STARD3NL: variants seen among roughly 807,000 people sequenced by gnomAD.
The protein encoded by STARD3NL is STARD3 N-terminal-like protein.
Under a neutral mutation model 30.9 loss-of-function variants are expected in STARD3NL, and 17 were observed. The observed-to-expected ratio is 0.55, with a 90% CI of 0.38 to 0.82. The LOEUF is 0.82. STARD3NL is among the 40% of genes least tolerant of loss of function. STARD3NL has a pLI of 0.00. For synonymous variants in STARD3NL, 112 were observed against 100.5 expected (o/e 1.11, Z -0.69); for missense variants, 234 against 277.6 (o/e 0.84, Z 1.12).
intron 2 of STARD3NL, among the ~76,000 whole-genome samples, chr7:38,210,455 G>A (rs1374793824): frequency 6.6e-6 from 1 of 152,082 alleles, no homozygotes; most frequent in African/African-American, 2.4e-5. Flanking sequence ...GACCTGACTG[G>A]CACCATCCCA....
At chr7:38,187,021 C>T (rs1316136597) in intron 1 of STARD3NL, among the ~76,000 whole-genome samples, 1 of 145,742 alleles carries the variant, frequency 6.9e-6, no homozygotes, top group Non-Finnish European at 1.5e-5. Flanking sequence ...CTGACAGCAG[C>T]TTCTAAAAAA....
In STARD3NL at chr7:38,211,920, G is replaced by A. The variant is rs116689042; in HGVS notation, c.226-2437G>A. Among the ~76,000 whole-genome samples the A allele has an allele frequency of 2.4e-3, 360 of 152,252 alleles. 3 individuals carry two copies. Among genetic ancestry groups the A allele is most frequent in the African/African-American group, 8.2e-3 (341 of 41,544 alleles). On this transcript the variant is annotated intron_variant, in intron 2 of 8. Transcript: ENST00000009041. Reference sequence around the variant, plus strand: ...TCTGCCTCTAAAATATATTCAAAATGTGACCACTTCTCTTCTTTTCCACTG... The same window carrying A: ...TCTGCCTCTAAAATATATTCAAAATATGACCACTTCTCTTCTTTTCCACTG...
intron 4 of STARD3NL, chr7:38,216,049 T>A (rs577248345): frequency 6.6e-6 from 1 of 152,396 alleles, no homozygotes; most frequent in African/African-American, 2.4e-5. Context: ...AATACTCTTT[T>A]GCTGATATCA....
intron 7 of STARD3NL, among the ~76,000 whole-genome samples, chr7:38,224,060 C>T (rs929907533): frequency 1.3e-5 from 2 of 152,112 alleles, no homozygotes; most frequent in African/African-American, 4.8e-5. Context: ...TGATATGATA[C>T]ATGGCTTTTT....
chr7:38,199,219 C>T (rs1785064417), intron 1 of STARD3NL, among the ~76,000 whole-genome samples: 2 of 152,180 alleles, frequency 1.3e-5, no homozygotes, highest in Non-Finnish European at 2.9e-5. Flanking sequence ...TACTTAGCAC[C>T]CTCTTTAGAG....
At chr7:38,195,935 GA>G (rs1296094694) in intron 1 of STARD3NL, among the ~76,000 whole-genome samples, 1 of 152,140 alleles carries the variant, frequency 6.6e-6, no homozygotes, top group Admixed American at 6.5e-5. Context: ...ATTCGTGTTT[GA>G]ACCCAGCCCT....
In STARD3NL at chr7:38,207,572, G is replaced by A. The variant is rs1230414650; in HGVS notation, c.68G>A (p.Arg23His). ...AGCCAGAGCTCCCATGCTTCTCTGC[G>A]CAATATCCATTCCATCAACCCCACA... is the stretch of plus-strand genomic sequence containing the variant. ...TGSQSSHASL[R>H]NIHSINPTQL... Residue 23 changes from arginine to histidine, a missense_variant, in exon 2 of 9, where the codon CGC (arginine) becomes CAC (histidine). Transcript: ENST00000009041. 1.3e-5 allele frequency: 21 copies of A among 1,613,900 alleles called. No homozygotes were observed. Among genetic ancestry groups the A allele is most frequent in the Middle Eastern group, 1.6e-4 (1 of 6,082 alleles).
At chr7:38,213,192 C>T (rs1785908556) in intron 2 of STARD3NL, among the ~76,000 whole-genome samples, 1 of 152,106 alleles carries the variant, frequency 6.6e-6, no homozygotes, top group East Asian at 1.9e-4. Flanking sequence ...GACAAGTTTC[C>T]TTAGTCCGGA....
intron 6 of STARD3NL, 151 bp downstream of exon 6, chr7:38,217,456 G>C: frequency 2.9e-6 from 2 of 692,422 alleles, no homozygotes; most frequent in Non-Finnish European, 4.8e-6. Flanking sequence ...CAGAAATCGA[G>C]AGAAGGGTTG....
At chr7:38,222,822 G>T (rs1223132700) in intron 7 of STARD3NL, among the ~76,000 whole-genome samples, 1 of 152,146 alleles carries the variant, frequency 6.6e-6, no homozygotes, top group Non-Finnish European at 1.5e-5. Flanking sequence ...GGTCAGAGTG[G>T]ACTACCTTAT....
intron 2 of STARD3NL, among the ~76,000 whole-genome samples, chr7:38,208,507 T>C (rs1583808407): frequency 6.6e-6 from 1 of 152,174 alleles, no homozygotes; most frequent in African/African-American, 2.4e-5. Context: ...TTAATAATAT[T>C]TTTTATTTAA....
chr7:38,222,587 G>A (rs1007200362), intron 7 of STARD3NL, among the ~76,000 whole-genome samples: 1 of 152,222 alleles, frequency 6.6e-6, no homozygotes, highest in Non-Finnish European at 1.5e-5. Context: ...ACATAGAATA[G>A]TAGTGATACG....
At chr7:38,219,719 T>C (rs1345010355) in intron 7 of STARD3NL, 59 bp downstream of exon 7, 13 of 1,386,116 alleles carry the variant, frequency 9.4e-6, no homozygotes, top group Non-Finnish European at 3.1e-6. Flanking sequence ...CTGCTCTTCC[T>C]TCCTTTCCCT....
intron 2 of STARD3NL, among the ~76,000 whole-genome samples, chr7:38,208,228 T>C (rs1405173439): frequency 6.6e-6 from 1 of 152,226 alleles, no homozygotes; most frequent in Non-Finnish European, 1.5e-5. Flanking sequence ...TTTTGGAATA[T>C]GTTTTAGATG....
At chr7:38,205,887 A>G (rs185275674) in intron 1 of STARD3NL, among the ~76,000 whole-genome samples, 8 of 152,306 alleles carry the variant, frequency 5.3e-5, no homozygotes, top group Admixed American at 3.9e-4. Context: ...CTTTAAGGCC[A>G]TAGATCAGTT....
intron 1 of STARD3NL, among the ~76,000 whole-genome samples, chr7:38,186,184 C>T (rs149968422): frequency 1.3e-5 from 2 of 152,256 alleles, no homozygotes; most frequent in East Asian, 3.9e-4. Flanking sequence ...TATATGTACA[C>T]TGAGGAGCAA....
chr7:38,183,917 G>T (rs1314148050), intron 1 of STARD3NL, among the ~76,000 whole-genome samples: 2 of 152,164 alleles, frequency 1.3e-5, no homozygotes, highest in Admixed American at 1.3e-4. Flanking sequence ...GTGTAAGTTT[G>T]TCTAACTTTA....
At chr7:38,226,710 A>G (rs925636295) in intron 7 of STARD3NL, among the ~76,000 whole-genome samples, 3 of 152,184 alleles carry the variant, frequency 2.0e-5, no homozygotes, top group African/African-American at 7.2e-5. Context: ...GGTGACCACA[A>G]CTCAGCCTCC....
chr7:38,221,817 T>G (rs752868565), intron 7 of STARD3NL, among the ~76,000 whole-genome samples: 12 of 152,178 alleles, frequency 7.9e-5, no homozygotes, highest in Non-Finnish European at 1.8e-4. Context: ...GGTGTGCTGT[T>G]CATAGCTCTT....
Sources: allele counts gnomAD v4.1 joint callset (sites outside exome capture counted in the v4.1 genomes callset), GRCh38; gene constraint gnomAD v4.1.1; transcripts MANE v1.5; gene names NCBI Gene and HGNC (gene_info 2026-07-23, HGNC 2026-07-21).